Variants in IFT172 observed in about 807,000 individuals in gnomAD.
The protein encoded by IFT172 is intraflagellar transport protein 172 homolog.
A neutral mutation model predicts 248.9 loss-of-function variants in IFT172; 164 were observed. That is an observed-to-expected ratio of 0.66 (90% CI 0.58 to 0.75). The LOEUF (loss-of-function observed/expected upper bound fraction) is 0.75, where lower values mean the gene tolerates loss of function less well. Ranked by LOEUF, IFT172 falls within the 30% of genes least tolerant of loss-of-function variation. The probability of loss-of-function intolerance (pLI) is 0.00; values close to 1 mark genes in which losing one functional copy is unlikely to be tolerated. For missense variants in IFT172, 1,950 were observed against 2,192.4 expected (o/e 0.89, Z 2.21); for synonymous variants, 729 against 791.6 (o/e 0.92, Z 1.33).
At position 27,445,342 on chromosome 2, in the gene IFT172, T is replaced by G. The variant is rs759639938; in HGVS notation, c.5022A>C (p.Leu1674=). The change falls in exon 46 of 48, where the codon CTA becomes CTC. Residue 1674 remains leucine (L), a synonymous_variant. Transcript: ENST00000260570. This position sits in a 1 kb window ranked among gnomAD's most constrained non-coding sequence, Gnocchi z 4.4. ...CTCGAACACCAGTGCTCGCTGCCAC[T>G]AGGGAGGCCTCGTAGGCGCCACGCT... ...RDERGAYEAS[L]VAASTGVRAL... 6.2e-7 allele frequency: 1 copy of G among 1,613,288 alleles called. No homozygotes were observed. Among genetic ancestry groups the G allele is most frequent in the Non-Finnish European group, 8.5e-7 (1 of 1,179,782 alleles).
At chr2:27,461,211 G>C (rs1313290591) in intron 22 of IFT172, 58 bp downstream of exon 22, 1 of 1,612,208 alleles carries the variant, frequency 6.2e-7, no homozygotes, top group Admixed American at 1.7e-5. Flanking sequence ...GACTCCTCTG[G>C]GTAAGGGAAG....
intron 29 of IFT172, 93 bp from the exon 30 acceptor site, chr2:27,456,746 T>G: frequency 2.0e-6 from 3 of 1,511,200 alleles, no homozygotes; most frequent in Non-Finnish European, 2.7e-6. Context: ...GTAACTGTTC[T>G]AAATTGAACA....
Position 27,447,561 on chromosome 2 carries a change from G to A in IFT172, c.4613C>T (p.Ala1538Val), listed in dbSNP as rs1665256897. 2.5e-6 allele frequency: 4 copies of A among 1,614,040 alleles called. No individual in the cohort carries two copies. The highest frequency in any genetic ancestry group is 2.2e-5 in the South Asian group (2 of 91,090). The change falls in exon 42 of 48, where the codon GCT (alanine) becomes GTT (valine). Residue 1538 changes from alanine to valine, a missense_variant. By Grantham distance (64) the Ala-to-Val change is moderately conservative (BLOSUM62 0). This residue lies in a region of IFT172 where 620 missense variants were observed against 699.0 expected (regional missense o/e 0.89). Coordinates refer to ENST00000260570, the MANE Select transcript of IFT172 (RefSeq NM_015662.3). The part of the protein sequence containing the change: ...HEEFKTMLLI[A>V]HYYATRSAAQ... ...TGCAGAGCGCGTGGCATAGTAATGA[G>A]CGATCAGCAGCATCGTCTTGAACTC...
intron 7 of IFT172, among the ~76,000 whole-genome samples, 194 bp downstream of exon 7, chr2:27,483,095 C>T (rs1357240908): frequency 2.0e-5 from 3 of 151,410 alleles, no homozygotes; most frequent in Non-Finnish European, 4.4e-5. Context: ...GCTCAACCTC[C>T]TGGGCTCAAG....
chr2:27,485,997 T>C (rs1668746159), intron 1 of IFT172, among the ~76,000 whole-genome samples: 1 of 152,186 alleles, frequency 6.6e-6, no homozygotes, highest in Non-Finnish European at 1.5e-5. Context: ...ACTACAATAG[T>C]TTGGAGAAGC....
At position 27,458,799 on chromosome 2, in the gene IFT172, G is replaced by C. The variant is rs762645007; in HGVS notation, c.2857C>G (p.Arg953Gly). ...CCTACCTTGTGGGCTTGTTCCCAAC[G>C]ACCAGCCTGGGTGTACATGTCTATG... ...DAIDMYTQAG[R>G]WEQAHKLAMK... Residue 953 changes from arginine to glycine, a missense_variant, in exon 26 of 48, where the codon CGT becomes GGT. By Grantham distance (125) the Arg-to-Gly change is moderately radical. This residue lies in a region of IFT172 where 1,166 missense variants were observed against 1,254.1 expected (regional missense o/e 0.93). Coordinates refer to ENST00000260570, the MANE Select transcript of IFT172 (RefSeq NM_015662.3). The C allele has an allele frequency of 1.2e-6, 2 of 1,614,074 alleles. No individual in the cohort carries two copies. The highest frequency in any genetic ancestry group is 4.5e-5 in the East Asian group (2 of 44,880).
chr2:27,463,127 A>G lies in IFT172; in HGVS notation c.1992T>C (p.Asn664=). 6.2e-7 allele frequency: 1 copy of G among 1,612,284 alleles called. No homozygotes were observed. The highest frequency in any genetic ancestry group is 8.5e-7 in the Non-Finnish European group (1 of 1,178,280). ...CCCGGGATACTTGATCTGCAATCTC[A>G]TTGGTCTCATGCAGGAATCGAGCTT... ...VAKARFLHET[N]EIADQVSREY... is the part of the protein sequence containing the mutation. The change falls in exon 19 of 48, where the codon AAT becomes AAC. Residue 664 remains asparagine (N), a synonymous_variant. Transcript: ENST00000260570.
At chr2:27,484,917 G>T in intron 3 of IFT172, 101 bp downstream of exon 3, 2 of 747,788 alleles carry the variant, frequency 2.7e-6, no homozygotes, top group Non-Finnish European at 4.7e-6. Context: ...CAATGGCCAA[G>T]CTTGGCTTCT....
rs1419576695 is a variant in IFT172, at chr2:27,461,283, C to T, written c.2428G>A (p.Glu810Lys). The change falls in exon 22 of 48, where the codon GAA becomes AAA. Residue 810 changes from glutamate (E) to lysine (K), a missense_variant. This residue lies in a region of IFT172 where 1,166 missense variants were observed against 1,254.1 expected (regional missense o/e 0.93). Coordinates refer to ENST00000260570, the MANE Select transcript of IFT172 (RefSeq NM_015662.3). ...AGCCAGCATACCCTTTCGTAGAGTTCCCCCTTGATAAGGGCTGCAGTGATG... is the reference window on the plus strand; with the variant it reads ...AGCCAGCATACCCTTTCGTAGAGTTTCCCCTTGATAAGGGCTGCAGTGATG... ...EHITAALIKG[E>K]LYERAGDLFE... The T allele has an allele frequency of 1.2e-6, 2 of 1,613,986 alleles. No individual in the cohort carries two copies. The highest frequency in any genetic ancestry group is 2.2e-5 in the East Asian group (1 of 44,898).
At position 27,478,012 on chromosome 2, in the gene IFT172, T is replaced by A; in HGVS notation, c.1150A>T (p.Thr384Ser). The A allele has an allele frequency of 6.2e-7, 1 of 1,614,166 alleles. No individual in the cohort carries two copies. Among genetic ancestry groups the A allele is most frequent in the Non-Finnish European group, 8.5e-7 (1 of 1,180,018 alleles). Residue 384 changes from threonine to serine, a missense_variant, in exon 11 of 48, where the codon ACT (threonine) becomes TCT (serine). This residue lies in a region of IFT172 where 1,166 missense variants were observed against 1,254.1 expected (regional missense o/e 0.93). Coordinates refer to ENST00000260570, the MANE Select transcript of IFT172 (RefSeq NM_015662.3). The part of the protein sequence containing the change: ...SETLLLGDLN[T>S]NRLSEIAWQG... ...GTTCCTACCTCACTAAGCCGATTAG[T>A]GTTCAGGTCCCCCAGCAGCAGTGTT...
At position 27,446,732 on chromosome 2, in the gene IFT172, G is replaced by A. The variant is rs541990339; in HGVS notation, c.4660-377C>T. On this transcript the variant is annotated intron_variant, in intron 42 of 47. Coordinates refer to ENST00000260570, the MANE Select transcript of IFT172 (RefSeq NM_015662.3). The stretch of plus-strand genomic sequence containing the variant: ...TTTTGAGACGGAGTCTCGCTCTGTC[G>A]CCCAGGCCAGACTGCGGACTGCAGT... Among the ~76,000 whole-genome samples, 9 of 118,670 alleles carry A rather than the reference G, an allele frequency of 7.6e-5. No individual in the cohort carries two copies. The South Asian group carries it at 1.9e-3, about 25-fold the overall frequency. 77.9% of individuals were successfully genotyped at this position (118,670 alleles called of 152,430 possible).
At chr2:27,484,348 T>C in intron 3 of IFT172, 82 bp from the exon 4 acceptor site, 1 of 1,462,728 alleles carries the variant, frequency 6.8e-7, no homozygotes, top group Non-Finnish European at 9.5e-7. Flanking sequence ...TCCCAGCACT[T>C]TGGGAGGCCG....
chr2:27,455,133 G>A (rs562125302), intron 30 of IFT172: 4 of 261,454 alleles, frequency 1.5e-5, no homozygotes, highest in African/African-American at 4.6e-5. Context: ...TTGCTCTTTT[G>A]GCTATCTTTC....
At position 27,485,116 on chromosome 2, in the gene IFT172, G is replaced by C; in HGVS notation, c.198C>G (p.Ser66Arg). 6.3e-7 allele frequency: 1 copy of C among 1,597,352 alleles called. No homozygotes were observed. The highest frequency in any genetic ancestry group is 8.6e-7 in the Non-Finnish European group (1 of 1,166,874). ...AAAAAGCCATGCCCTTCACCATATA[G>C]CTCTTCCTGCCATACTAAGAGTTTA... ...KPADMKYGRK[S>R]YMVKGMAFSP... The change falls in exon 3 of 48, where the codon AGC (serine) becomes AGG (arginine). Residue 66 changes from serine (S) to arginine (R), a missense_variant. Around this residue, in one of 3 missense-constraint regions of IFT172, gnomAD observed 1,166 missense variants for 1,254.1 expected, o/e 0.93. Coordinates refer to ENST00000260570, the MANE Select transcript of IFT172 (RefSeq NM_015662.3).
Position 27,459,433 on chromosome 2 carries a change from G to T in IFT172, c.2732C>A (p.Ala911Glu). The change falls in exon 25 of 48, where the codon GCA becomes GAA. Residue 911 changes from alanine (A) to glutamate (E), a missense_variant. By Grantham distance (107) the Ala-to-Glu change is moderately radical. This residue lies in a region of IFT172 where 1,166 missense variants were observed against 1,254.1 expected (regional missense o/e 0.93). Coordinates refer to ENST00000260570, the MANE Select transcript of IFT172 (RefSeq NM_015662.3). ...YILDLQDRNT[A>E]SKYYPLVAQH... ...GGCCACGAGAGGATAGTATTTGGAT[G>T]CAGTGTTCCGGTCCTGTAGATCTAA... 2 of 1,614,204 alleles carry T rather than the reference G, an allele frequency of 1.2e-6. No individual in the cohort carries two copies. Among genetic ancestry groups the T allele is most frequent in the Non-Finnish European group, 8.5e-7 (1 of 1,180,044 alleles).
chr2:27,447,184 A>G (rs1248634642), intron 42 of IFT172, among the ~76,000 whole-genome samples: 1 of 152,252 alleles, frequency 6.6e-6, no homozygotes, highest in African/African-American at 2.4e-5. Flanking sequence ...CTAGAATTCT[A>G]TCATCCAAGT....
At chr2:27,452,284 T>A (rs1665748450) in intron 35 of IFT172, among the ~76,000 whole-genome samples, 1 of 152,192 alleles carries the variant, frequency 6.6e-6, no homozygotes, top group African/African-American at 2.4e-5. Context: ...TGCCTTCAGA[T>A]TTGAACTGAA....
chr2:27,449,435 A>C lies in IFT172; in HGVS notation c.4225-55T>G. 5 of 1,613,990 alleles carry C rather than the reference A, an allele frequency of 3.1e-6. No individual in the cohort carries two copies. In the Admixed American group the frequency reaches 6.7e-5, roughly 22 times the overall value. ...GAAAAGAGATGACATGAGGGAAAGA[A>C]GAGGGAGAGAGTCTTGTGAGTCTCT... On this transcript the variant is annotated intron_variant, in intron 38 of 47. Coordinates refer to ENST00000260570, the MANE Select transcript of IFT172 (RefSeq NM_015662.3).
rs779195226 is a variant in IFT172, at chr2:27,458,158, C to T, written c.2943G>A (p.Met981Ile). ...SVLYITQAQE[M>I]EKQGKYREAE... is the part of the protein sequence containing the mutation. ...CCTCACGGTACTTGCCCTGCTTCTC[C>T]ATTTCCTGGGCCTGAGTGATGTATA... Residue 981 changes from methionine to isoleucine, a missense_variant, in exon 27 of 48, where the codon ATG becomes ATA. Transcript: ENST00000260570. The T allele has an allele frequency of 8.1e-6, 13 of 1,614,204 alleles. No individual in the cohort carries two copies. The Admixed American group carries it at 2.2e-4, about 27-fold the overall frequency.
Sources: allele counts gnomAD v4.1 joint callset (sites outside exome capture counted in the v4.1 genomes callset), GRCh38; gene constraint gnomAD v4.1.1; regional missense constraint gnomAD v4.1.1; non-coding constraint Gnocchi (gnomAD v3.1); transcripts MANE v1.5; gene names NCBI Gene and HGNC (gene_info 2026-07-23, HGNC 2026-07-21).